Variants in CDCA2 observed in about 807,000 individuals in gnomAD.
CDCA2 encodes the protein cell division cycle associated 2, also known as cell division cycle-associated protein 2.
CDCA2 carries 44 observed loss-of-function variants against 67.0 expected under a neutral mutation model. The ratio of observed to expected loss-of-function variants is 0.66; its 90% CI spans 0.52 to 0.84. The LOEUF (loss-of-function observed/expected upper bound fraction) is 0.84, where lower values mean the gene tolerates loss of function less well. Ranked by LOEUF, CDCA2 falls within the 40% of genes least tolerant of loss-of-function variation. CDCA2 has a pLI of 0.00. For synonymous variants in CDCA2, 447 were observed against 418.7 expected (o/e 1.07, Z -0.82); for missense variants, 1,253 against 1,203.2 (o/e 1.04, Z -0.61).
chr8:25,478,550 T>C (rs1421763414), intron 7 of CDCA2, among the ~76,000 whole-genome samples: 1 of 152,186 alleles, frequency 6.6e-6, no homozygotes, highest in African/African-American at 2.4e-5. Flanking sequence ...CCAAAGACCA[T>C]ATTATTTCTA....
chr8:25,476,872 G>A (rs145542749), intron 7 of CDCA2, among the ~76,000 whole-genome samples: 125 of 152,034 alleles, frequency 8.2e-4, no homozygotes, highest in African/African-American at 2.8e-3. Context: ...CTTTTTTAGG[G>A]ACTGATTCCC....
intron 13 of CDCA2, among the ~76,000 whole-genome samples, chr8:25,493,396 A>G (rs1804087224): frequency 6.6e-6 from 1 of 152,222 alleles, no homozygotes; most frequent in Non-Finnish European, 1.5e-5. Context: ...CAAAAACCAG[A>G]AACAGTGAGG....
chr8:25,507,672 T>C lies in CDCA2; in HGVS notation c.3006T>C (p.Asn1002=), dbSNP rs757785425. The change falls in exon 15 of 15, where the codon AAT becomes AAC. Residue 1002 remains asparagine (N), a synonymous_variant. Transcript: ENST00000330560. ...GCTACCGGAGAAGATCCTCTCTTAA[T>C]GGGAAGGGAGAGAGCTCTCTGACTG... The part of the protein sequence containing the change: ...FKGYRRRSSL[N]GKGESSLTAL... The C allele has an allele frequency of 5.6e-6, 9 of 1,614,146 alleles. No homozygotes were observed. The highest frequency in any genetic ancestry group is 7.6e-6 in the Non-Finnish European group (9 of 1,180,008).
In CDCA2 at chr8:25,462,096, C is replaced by T. The variant is rs765291826; in HGVS notation, c.275C>T (p.Ala92Val). ...CTTAAAAAATGTAGACGACGTTCTGCAGTCGGTGCTCGGGGCTCTCCTGAA... is the reference window on the plus strand; with the variant it reads ...CTTAAAAAATGTAGACGACGTTCTGTAGTCGGTGCTCGGGGCTCTCCTGAA... ...SYLKKCRRRS[A>V]VGARGSPETN... Residue 92 changes from alanine (A) to valine (V), a missense_variant, in exon 4 of 15, where the codon GCA (alanine) becomes GTA (valine). Physicochemically the swap from Ala to Val is moderately conservative, Grantham distance 64. Coordinates refer to ENST00000330560, the MANE Select transcript of CDCA2 (RefSeq NM_152562.4). The T allele has an allele frequency of 1.2e-6, 2 of 1,614,162 alleles. No homozygotes were observed. The highest frequency in any genetic ancestry group is 4.5e-5 in the East Asian group (2 of 44,882).
In CDCA2 at chr8:25,460,440, G is replaced by A. The variant is rs762755345; in HGVS notation, c.118G>A (p.Glu40Lys). The A allele has an allele frequency of 5.0e-6, 8 of 1,614,000 alleles. No homozygotes were observed. The South Asian group carries it at 6.6e-5, about 13-fold the overall frequency. The change falls in exon 3 of 15, where the codon GAA becomes AAA. Residue 40 changes from glutamate (E) to lysine (K), a missense_variant. Glu to Lys is a moderately conservative substitution (Grantham distance 56). Transcript: ENST00000330560. Reference sequence around the variant, plus strand: ...GATTGTGACTCCTCAGAAGCATGCCGAATTACCTCCTAATCCTTGCACACC... The same window carrying A: ...GATTGTGACTCCTCAGAAGCATGCCAAATTACCTCCTAATCCTTGCACACC... ...GKIVTPQKHA[E>K]LPPNPCTPDT...
chr8:25,487,375 C>A (rs200163913), intron 12 of CDCA2, 41 bp downstream of exon 12: 26 of 1,295,516 alleles, frequency 2.0e-5, no homozygotes, highest in African/African-American at 3.0e-5. Context: ...GTTTTTAAAT[C>A]GTGCAATATA....
At chr8:25,503,265 A>G in intron 13 of CDCA2, 108 bp from the exon 14 acceptor site, 1 of 816,794 alleles carries the variant, frequency 1.2e-6, no homozygotes, top group South Asian at 1.7e-5. Flanking sequence ...CCTGGATGAC[A>G]AAGTGAGACC....
intron 5 of CDCA2, 81 bp from the exon 6 acceptor site, chr8:25,468,136 A>AC (rs1208266853): frequency 5.2e-6 from 3 of 574,550 alleles, no homozygotes; most frequent in Non-Finnish European, 7.1e-6. Context: ...AAAAAAAAAA[A>AC]AAAGAAAAGA....
chr8:25,463,058 A>G lies in CDCA2; in HGVS notation c.387+850A>G, dbSNP rs191428996. Among the ~76,000 whole-genome samples, 5 of 151,842 alleles carry G rather than the reference A, an allele frequency of 3.3e-5. No individual in the cohort carries two copies. In the East Asian group the frequency reaches 7.8e-4, roughly 24 times the overall value. Reference sequence around the variant, plus strand: ...ATTTTATTTCTCAATTTTTTTTTCTAGTTAAGATCTACTTTTCTATGAGGT... The same window carrying G: ...ATTTTATTTCTCAATTTTTTTTTCTGGTTAAGATCTACTTTTCTATGAGGT... On this transcript the variant is annotated intron_variant, in intron 4 of 14. Coordinates refer to ENST00000330560, the MANE Select transcript of CDCA2 (RefSeq NM_152562.4).
intron 5 of CDCA2, among the ~76,000 whole-genome samples, chr8:25,467,066 A>AAAAAAAG (rs397830929): frequency 9.8e-6 from 1 of 102,450 alleles, no homozygotes; most frequent in African/African-American, 4.2e-5. Flanking sequence ...AAAAAAAAAA[A>AAAAAAAG]CACACACACA....
In CDCA2 at chr8:25,507,067, A is replaced by G. The variant is rs930654691; in HGVS notation, c.2401A>G (p.Thr801Ala). The change falls in exon 15 of 15, where the codon ACG becomes GCG. Residue 801 changes from threonine to alanine, a missense_variant. Physicochemically the swap from Thr to Ala is moderately conservative, Grantham distance 58. Transcript: ENST00000330560. ...TTTAGGAGATGTCTTAATTGAAAAT[A>G]CGAAAGAATCTAAAAGCCAGAGTGA... The part of the protein sequence containing the change: ...HCLGDVLIEN[T>A]KESKSQSEDL... 1.2e-6 allele frequency: 2 copies of G among 1,613,928 alleles called. No individual in the cohort carries two copies. The highest frequency in any genetic ancestry group is 1.7e-6 in the Non-Finnish European group (2 of 1,179,998).
chr8:25,483,930 A>G, intron 9 of CDCA2, 36 bp from the exon 10 acceptor site: 1 of 1,568,162 alleles, frequency 6.4e-7, no homozygotes. Context: ...ATATAGCTTA[A>G]TTTTTAAGTT....
intron 3 of CDCA2, among the ~76,000 whole-genome samples, chr8:25,461,675 T>G (rs988559175): frequency 1.3e-5 from 2 of 152,212 alleles, no homozygotes; most frequent in Non-Finnish European, 2.9e-5. Flanking sequence ...TAGGTGGAGA[T>G]CTTACCTTTC....
chr8:25,492,874 T>G (rs1044428966), intron 13 of CDCA2, among the ~76,000 whole-genome samples: 2 of 152,216 alleles, frequency 1.3e-5, no homozygotes, highest in African/African-American at 4.8e-5. Context: ...AGGGGGCTAA[T>G]GGTGTGCTGG....
In CDCA2 at chr8:25,485,793, TTC is replaced by T. The variant is rs753839009; in HGVS notation, c.1403_1404del (p.Leu468GlnfsTer4). ...GAACCACTTCAAGTATCATTTGCCG[TTC>T]TCAGTTCTCCTAATAAATCATCAAT... On this transcript the variant is annotated frameshift_variant, in exon 11 of 15. Transcript: ENST00000330560. LOFTEE classifies it high-confidence loss of function. 1.2e-6 allele frequency: 2 copies of T among 1,608,000 alleles called. No individual in the cohort carries two copies. Among genetic ancestry groups the T allele is most frequent in the Admixed American group, 3.4e-5 (2 of 59,064 alleles).
At chr8:25,481,089 A>G (rs1259809930) in intron 8 of CDCA2, among the ~76,000 whole-genome samples, 1 of 152,184 alleles carries the variant, frequency 6.6e-6, no homozygotes, top group Admixed American at 6.5e-5. Flanking sequence ...ATTGATGGTC[A>G]ATTGCTATTT....
rs778493535 is a variant in CDCA2 at position 25,460,551 on chromosome 8, G to T, written c.229G>T (p.Ala77Ser). The T allele has an allele frequency of 3.7e-6, 6 of 1,609,836 alleles. No individual in the cohort carries two copies. Among genetic ancestry groups the T allele is most frequent in the Non-Finnish European group, 5.1e-6 (6 of 1,178,634 alleles). ...ACCTGAAAGCTTTGTTAGGAACTCTGCAGGTAAGAAAAGTTGTCATTCTGT... is the reference window on the plus strand; with the variant it reads ...ACCTGAAAGCTTTGTTAGGAACTCTTCAGGTAAGAAAAGTTGTCATTCTGT... ...ITPESFVRNS[A>S]GKSSSYLKKC... Residue 77 changes from alanine to serine, a missense_variant, in exon 3 of 15, where the codon GCA (alanine) becomes TCA (serine). Physicochemically the swap from Ala to Ser is moderately conservative, Grantham distance 99 (BLOSUM62 1). Transcript: ENST00000330560.
At chr8:25,483,333 G>C (rs555211292) in intron 8 of CDCA2, 66 bp from the exon 9 acceptor site, 1 of 1,029,566 alleles carries the variant, frequency 9.7e-7, no homozygotes, top group Non-Finnish European at 1.4e-6. Context: ...CAAAACTGCT[G>C]TTCTTAATGA....
At chr8:25,484,691 A>G (rs1400206487) in intron 10 of CDCA2, among the ~76,000 whole-genome samples, 1 of 151,188 alleles carries the variant, frequency 6.6e-6, no homozygotes, top group African/African-American at 2.4e-5. Context: ...TCCCAGGCTC[A>G]AGCTATCCTC....
Sources: gnomAD v4.1 joint callset for allele counts (sites outside exome capture counted in the v4.1 genomes callset) on GRCh38, gnomAD v4.1.1 for gene constraint, MANE v1.5 for transcripts, NCBI Gene and HGNC (gene_info 2026-07-23, HGNC 2026-07-21) for gene names.